POT1: variants seen among roughly 807,000 people sequenced by gnomAD.
POT1 encodes the protein protection of telomeres protein 1.
A neutral mutation model predicts 78.5 loss-of-function variants in POT1; 47 were observed. The ratio of observed to expected loss-of-function variants is 0.60; its 90% CI spans 0.47 to 0.76. POT1 has a LOEUF of 0.76. Ranked by LOEUF, POT1 falls within the 30% of genes least tolerant of loss-of-function variation. The probability of loss-of-function intolerance (pLI) is 0.00; values close to 1 mark genes in which losing one functional copy is unlikely to be tolerated. For synonymous variants in POT1, 259 were observed against 260.7 expected, an observed-to-expected ratio of 0.99 and a Z score of 0.06; for missense variants, 646 against 749.9, an observed-to-expected ratio of 0.86 and a Z score of 1.62.
chr7:124,870,919 T>C lies in POT1; in HGVS notation c.247A>G (p.Arg83Gly). The C allele has an allele frequency of 1.2e-6, 2 of 1,606,036 alleles. No homozygotes were observed. Among genetic ancestry groups the C allele is most frequent in the Non-Finnish European group, 1.7e-6 (2 of 1,175,822 alleles). The stretch of plus-strand genomic sequence containing the variant: ...GACAATATGAATTATACCTTCAGCC[T>C]GTGAAAGCGAACAATATCTCCATTT... Reference protein sequence around the residue: ...YKNGDIVRFHRLKIQVYKKET... With the variant: ...YKNGDIVRFHGLKIQVYKKET... The change falls in exon 7 of 19, where the codon AGG (arginine) becomes GGG (glycine). Residue 83 changes from arginine to glycine, a missense_variant. Coordinates refer to ENST00000357628, the MANE Select transcript of POT1 (RefSeq NM_015450.3).
intron 2 of POT1, among the ~76,000 whole-genome samples, chr7:124,923,570 A>G (rs572836539): frequency 1.6e-4 from 25 of 151,952 alleles, no homozygotes; most frequent in Admixed American, 7.9e-4. Context: ...CAGTATTCCT[A>G]AGGGGGAAGA....
chr7:124,826,362 G>C (rs1236089003), intron 17 of POT1, among the ~76,000 whole-genome samples: 1 of 152,078 alleles, frequency 6.6e-6, no homozygotes, highest in Non-Finnish European at 1.5e-5. Flanking sequence ...ACATCCTTTA[G>C]CTGTAATAAT....
chr7:124,842,519 T>C (rs563042123), intron 13 of POT1, among the ~76,000 whole-genome samples: 97 of 152,182 alleles, frequency 6.4e-4, no homozygotes, highest in African/African-American at 2.2e-3. Context: ...AAGATACTTC[T>C]GTGACAAATG....
chr7:124,919,878 C>T (rs973859969), intron 2 of POT1, among the ~76,000 whole-genome samples: 6 of 152,096 alleles, frequency 3.9e-5, no homozygotes, highest in East Asian at 1.9e-4. Context: ...TCCGTGTGCA[C>T]GTTATGTACC....
At position 124,863,369 on chromosome 7, in the gene POT1, C is replaced by T. The variant is rs768469999; in HGVS notation, c.527G>A (p.Gly176Glu). Residue 176 changes from glycine (G) to glutamate (E), a missense_variant, in exon 8 of 19, where the codon GGA (glycine) becomes GAA (glutamate). Gly to Glu is a moderately conservative substitution (Grantham distance 98). Transcript: ENST00000357628. Reference sequence around the variant, plus strand: ...ATGTACCTTTAGAAGAAATGATGCTCCGTCCACTTCTGCTTTGCCCAAGAG... The same window carrying T: ...ATGTACCTTTAGAAGAAATGATGCTTCGTCCACTTCTGCTTTGCCCAAGAG... Reference protein sequence around the residue: ...CQLLGKAEVDGASFLLKVWDG... With the variant: ...CQLLGKAEVDEASFLLKVWDG... The T allele has an allele frequency of 6.2e-7, 1 of 1,612,654 alleles. No homozygotes were observed. The highest frequency in any genetic ancestry group is 1.1e-5 in the South Asian group (1 of 90,792).
At chr7:124,889,820 A>C (rs989851133) in intron 6 of POT1, among the ~76,000 whole-genome samples, 7 of 152,022 alleles carry the variant, frequency 4.6e-5, no homozygotes, top group African/African-American at 1.7e-4. Flanking sequence ...AGCAAAAAAG[A>C]TTCTTTTCAA....
intron 11 of POT1, among the ~76,000 whole-genome samples, chr7:124,850,907 A>ATT (rs1795291709): frequency 1.4e-5 from 1 of 69,460 alleles, no homozygotes; most frequent in Non-Finnish European, 3.1e-5. Context: ...GTTAGGTAGA[A>ATT]AAAAAAAAAA....
intron 6 of POT1, among the ~76,000 whole-genome samples, chr7:124,872,422 G>T (rs920566661): frequency 6.6e-6 from 1 of 152,126 alleles, no homozygotes; most frequent in African/African-American, 2.4e-5. Flanking sequence ...GAAAATTACA[G>T]AAATAAACAA....
intron 12 of POT1, among the ~76,000 whole-genome samples, chr7:124,844,349 G>A (rs1347650068): frequency 2.0e-5 from 3 of 150,942 alleles, no homozygotes; most frequent in Admixed American, 6.6e-5. Flanking sequence ...GGCTGGCTTC[G>A]AACTCCCGTC....
chr7:124,884,493 G>A (rs540129506), intron 6 of POT1, among the ~76,000 whole-genome samples: 1 of 152,246 alleles, frequency 6.6e-6, no homozygotes, highest in African/African-American at 2.4e-5. Context: ...GTTTTAATGG[G>A]AGGTAGGGTA....
chr7:124,846,542 T>A, intron 12 of POT1, among the ~76,000 whole-genome samples: 1 of 152,102 alleles, frequency 6.6e-6, no homozygotes, highest in Non-Finnish European at 1.5e-5. Flanking sequence ...GGAGCTCCTT[T>A]ATGGTACACT....
chr7:124,886,962 C>T (rs1479062108), intron 6 of POT1, among the ~76,000 whole-genome samples: 1 of 151,876 alleles, frequency 6.6e-6, no homozygotes, highest in Non-Finnish European at 1.5e-5. Context: ...TAAATTATAT[C>T]TTCTATAGAT....
intron 6 of POT1, among the ~76,000 whole-genome samples, chr7:124,873,906 A>T (rs1441976628): frequency 6.6e-6 from 1 of 152,158 alleles, no homozygotes; most frequent in Non-Finnish European, 1.5e-5. Context: ...AAAATCCAGA[A>T]GATACTACAA....
At chr7:124,920,665 T>A (rs919058725) in intron 2 of POT1, among the ~76,000 whole-genome samples, 2 of 95,810 alleles carry the variant, frequency 2.1e-5, no homozygotes, top group African/African-American at 8.4e-5. Context: ...AATACTTCAA[T>A]CTTTTTTTTT....
At chr7:124,911,057 A>C (rs1345606886) in intron 3 of POT1, among the ~76,000 whole-genome samples, 1 of 152,098 alleles carries the variant, frequency 6.6e-6, no homozygotes, top group Non-Finnish European at 1.5e-5. Context: ...TTTGCACCTG[A>C]CATTTATTTA....
intron 2 of POT1, among the ~76,000 whole-genome samples, chr7:124,916,728 T>C (rs1797023519): frequency 6.6e-6 from 1 of 152,152 alleles, no homozygotes; most frequent in Non-Finnish European, 1.5e-5. Context: ...GAAAAATTCA[T>C]CTAACACTTT....
chr7:124,862,312 A>C (rs1452949561), intron 8 of POT1, among the ~76,000 whole-genome samples: 2 of 152,210 alleles, frequency 1.3e-5, no homozygotes, highest in African/African-American at 4.8e-5. Flanking sequence ...GCCTCAGTGC[A>C]TAGTAGTAGA....
chr7:124,911,915 A>G, intron 3 of POT1, among the ~76,000 whole-genome samples: 1 of 152,158 alleles, frequency 6.6e-6, no homozygotes, highest in East Asian at 1.9e-4. Context: ...ACTGTATGTC[A>G]TAGCTATTCA....
chr7:124,873,320 A>T (rs1795914323), intron 6 of POT1, among the ~76,000 whole-genome samples: 1 of 152,130 alleles, frequency 6.6e-6, no homozygotes, highest in Non-Finnish European at 1.5e-5. Flanking sequence ...CTTGATACAG[A>T]TCTTAGAGAA....
Sources: allele counts gnomAD v4.1 joint callset (sites outside exome capture counted in the v4.1 genomes callset), GRCh38; gene constraint gnomAD v4.1.1; transcripts MANE v1.5; gene names NCBI Gene and HGNC (gene_info 2026-07-23, HGNC 2026-07-21).